The following GPC5 variants were observed in gnomAD, a reference collection of about 807,000 sequenced individuals.
The protein encoded by GPC5 is glypican 5.
In GPC5, 47 loss-of-function variants were observed where a neutral mutation model predicts 53.9. The ratio of observed to expected loss-of-function variants is 0.87; its 90% CI spans 0.69 to 1.11. The LOEUF is 1.11. Ranked by LOEUF, GPC5 falls within the 50% of genes most tolerant of loss-of-function variation. The pLI is 0.00. For missense variants in GPC5, 748 were observed against 713.1 expected, an observed-to-expected ratio of 1.05 and a Z score of -0.56; for synonymous variants, 286 against 263.3, an observed-to-expected ratio of 1.09 and a Z score of -0.84.
chr13:91,521,639 C>T (rs1885821912), intron 2 of GPC5, among the ~76,000 whole-genome samples: 1 of 152,100 alleles, frequency 6.6e-6, no homozygotes, highest in African/African-American at 2.4e-5. Context: ...TTTCATTCAA[C>T]AACAATCAAC....
intron 1 of GPC5, among the ~76,000 whole-genome samples, chr13:91,413,572 T>C (rs1877969321): frequency 1.3e-5 from 2 of 152,228 alleles, no homozygotes; most frequent in South Asian, 2.1e-4. Context: ...GTGATTAGTA[T>C]TTATAAATGT....
chr13:92,628,264 C>CTTTTTTTTTTTTTTTTTTTCTTTTTT (rs1885116487), intron 7 of GPC5, among the ~76,000 whole-genome samples: 1 of 45,338 alleles, frequency 2.2e-5, no homozygotes, highest in Non-Finnish European at 4.3e-5. Flanking sequence ...CTTTTTCTTT[C>CTTTTTTTTTTTTTTTTTTTCTTTTTT]TTTTTTTTTT....
chr13:92,509,380 C>T (rs191090906), intron 7 of GPC5: 2 of 152,270 alleles, frequency 1.3e-5, no homozygotes, highest in Admixed American at 1.3e-4. Flanking sequence ...GTTCTCTCTG[C>T]TTAATTCTCT....
Position 91,571,763 on chromosome 13 carries a change from GTA to G in GPC5, c.326-121422_326-121421del, listed in dbSNP as rs1243650270. 3.1e-3 allele frequency among the ~76,000 whole-genome samples: 354 copies of G among 115,616 alleles called. 9 individuals carry two copies. The highest frequency in any genetic ancestry group is 0.014 in the African/African-American group (345 of 25,006). The allele number at this position is 115,616 out of a possible 152,430, so 75.8% of individuals were successfully genotyped here. A position where few individuals can be genotyped will look rare whatever the true frequency, so the allele number is the denominator to read the frequency against. On this transcript the variant is annotated intron_variant, in intron 2 of 7. Coordinates refer to ENST00000377067, the MANE Select transcript of GPC5 (RefSeq NM_004466.6). Reference sequence around the variant, plus strand: ...TGTATATATACACACATATACATGTGTATGTGTATATACACACACATATACGT... The same window carrying G: ...TGTATATATACACACATATACATGTGTGTGTATATACACACACATATACGT...
chr13:92,521,895 A>G (rs1192854553), intron 7 of GPC5, among the ~76,000 whole-genome samples: 1 of 152,222 alleles, frequency 6.6e-6, no homozygotes, highest in African/African-American at 2.4e-5. Context: ...AAGGGCTAAT[A>G]TCCAGAATCT....
chr13:92,134,838 G>A (rs554721791), intron 6 of GPC5, among the ~76,000 whole-genome samples: 1 of 152,134 alleles, frequency 6.6e-6, no homozygotes, highest in South Asian at 2.1e-4. Flanking sequence ...GTCAGTATAT[G>A]TATATGTGAT....
chr13:92,614,998 A>T (rs1884634201), intron 7 of GPC5, among the ~76,000 whole-genome samples: 1 of 152,222 alleles, frequency 6.6e-6, no homozygotes, highest in Admixed American at 6.5e-5. Context: ...TTTGTTAAAT[A>T]TAGAAAGCAA....
At chr13:92,031,386 T>C (rs1404992172) in intron 6 of GPC5, among the ~76,000 whole-genome samples, 2 of 151,954 alleles carry the variant, frequency 1.3e-5, no homozygotes, top group African/African-American at 4.8e-5. Flanking sequence ...TATTTTCCTC[T>C]GGGCACATAC....
intron 7 of GPC5, among the ~76,000 whole-genome samples, chr13:92,611,058 A>T (rs1884419809): frequency 1.3e-5 from 2 of 151,978 alleles, no homozygotes; most frequent in African/African-American, 4.8e-5. Flanking sequence ...TAATCATGAA[A>T]GTTCCTGGGC....
chr13:91,601,213 ACT>A (rs1272655856), intron 2 of GPC5, among the ~76,000 whole-genome samples: 1 of 152,060 alleles, frequency 6.6e-6, no homozygotes, highest in Non-Finnish European at 1.5e-5. Context: ...TATGTACCTA[ACT>A]CTGTGTTTGG....
At chr13:92,398,079 T>A (rs796375808) in intron 7 of GPC5, among the ~76,000 whole-genome samples, 7 of 152,256 alleles carry the variant, frequency 4.6e-5, no homozygotes, top group African/African-American at 1.7e-4. Flanking sequence ...CACCATATTT[T>A]GATATGTGTT....
At chr13:92,016,616 GTGAATCAATA>G (rs1403563260) in intron 6 of GPC5, among the ~76,000 whole-genome samples, 12 of 152,208 alleles carry the variant, frequency 7.9e-5, no homozygotes, top group African/African-American at 2.9e-4. Context: ...TTTAAATGGT[GTGAATCAATA>G]TAGGCTCTTT....
At chr13:91,734,857 A>C (rs2036780444) in intron 4 of GPC5, among the ~76,000 whole-genome samples, 1 of 149,542 alleles carries the variant, frequency 6.7e-6, no homozygotes, top group Non-Finnish European at 1.5e-5. Context: ...ATAGTTTTTG[A>C]AAAATGCATT....
chr13:92,311,203 A>G (rs1201240741), intron 7 of GPC5, among the ~76,000 whole-genome samples: 1 of 152,230 alleles, frequency 6.6e-6, no homozygotes, highest in African/African-American at 2.4e-5. Context: ...TAAAATGTCC[A>G]TATAGCAATT....
intron 7 of GPC5, among the ~76,000 whole-genome samples, chr13:92,670,377 T>C (rs936569396): frequency 1.3e-5 from 2 of 152,162 alleles, no homozygotes; most frequent in African/African-American, 4.8e-5. Flanking sequence ...TCCTGAAACA[T>C]TGCTTTTATT....
At chr13:92,810,122 G>GT (rs993041996) in intron 7 of GPC5, among the ~76,000 whole-genome samples, 61 of 151,914 alleles carry the variant, frequency 4.0e-4, no homozygotes, top group African/African-American at 1.4e-3. Flanking sequence ...ATTATCCTTG[G>GT]TTTTACAAGT....
intron 2 of GPC5, among the ~76,000 whole-genome samples, chr13:91,528,435 C>G (rs948692119): frequency 6.6e-6 from 1 of 152,148 alleles, no homozygotes; most frequent in Non-Finnish European, 1.5e-5. Flanking sequence ...CAATAAGTTC[C>G]TCATCTCCAT....
intron 6 of GPC5, among the ~76,000 whole-genome samples, chr13:92,019,269 C>T (rs1297538207): frequency 6.6e-5 from 2 of 30,116 alleles, no homozygotes; most frequent in Non-Finnish European, 2.8e-4. Context: ...AGTATATAAG[C>T]ATACTTATAT....
intron 5 of GPC5, among the ~76,000 whole-genome samples, chr13:91,798,187 C>G (rs772775503): frequency 2.6e-5 from 4 of 152,166 alleles, no homozygotes; most frequent in African/African-American, 7.2e-5. Flanking sequence ...TTCTCTTCAA[C>G]TTTTAATTTA....
Sources: allele counts gnomAD v4.1 joint callset (sites outside exome capture counted in the v4.1 genomes callset), GRCh38; gene constraint gnomAD v4.1.1; transcripts MANE v1.5; gene names NCBI Gene and HGNC (gene_info 2026-07-23, HGNC 2026-07-21).